Variants in UNC5C observed in about 807,000 individuals in gnomAD.
UNC5C encodes unc-5 netrin receptor C, also known as netrin receptor UNC5C.
UNC5C carries 47 observed loss-of-function variants against 99.8 expected under a neutral mutation model. The ratio of observed to expected loss-of-function variants is 0.47; its 90% CI spans 0.37 to 0.60. The LOEUF (loss-of-function observed/expected upper bound fraction) is 0.60. UNC5C is among the 20% of genes least tolerant of loss of function. The probability of loss-of-function intolerance (pLI) is 0.00; values close to 1 mark genes in which losing one functional copy is unlikely to be tolerated. For missense variants in UNC5C, 1,062 were observed against 1,165.9 expected, an observed-to-expected ratio of 0.91 and a Z score of 1.30; for synonymous variants, 487 against 452.2, an observed-to-expected ratio of 1.08 and a Z score of -0.98.
intron 1 of UNC5C, among the ~76,000 whole-genome samples, chr4:95,481,116 T>C (rs1721137799): frequency 2.6e-5 from 4 of 151,166 alleles, no homozygotes; most frequent in East Asian, 1.9e-4. Flanking sequence ...AACCCCATTG[T>C]CTCAGCCCAA....
At chr4:95,170,905 TAAAAA>T (rs1488055402) in intron 14 of UNC5C, among the ~76,000 whole-genome samples, 1 of 152,220 alleles carries the variant, frequency 6.6e-6, no homozygotes, top group Admixed American at 6.5e-5. Flanking sequence ...GCTAATTTCT[TAAAAA>T]AGAAAATGGT....
At chr4:95,508,133 T>A (rs921002655) in intron 1 of UNC5C, among the ~76,000 whole-genome samples, 4 of 151,964 alleles carry the variant, frequency 2.6e-5, no homozygotes, top group African/African-American at 9.7e-5. Flanking sequence ...TACAGGATAC[T>A]CTTTATACCA....
intron 1 of UNC5C, among the ~76,000 whole-genome samples, chr4:95,409,207 C>T (rs1745909876): frequency 6.6e-6 from 1 of 152,150 alleles, no homozygotes; most frequent in South Asian, 2.1e-4. Context: ...CATTACTATT[C>T]TCATTCCAAT....
chr4:95,230,712 A>G lies in UNC5C; in HGVS notation c.1109-10536T>C, dbSNP rs532164808. ...AAATAGGGCATCCTTTGCCTATTTT[A>G]AAGCAATAAAAGCTGACAACCACTT... On this transcript the variant is annotated intron_variant, in intron 7 of 15. Coordinates refer to ENST00000453304, the MANE Select transcript of UNC5C (RefSeq NM_003728.4). 2.0e-5 allele frequency among the ~76,000 whole-genome samples: 3 copies of G among 151,736 alleles called. No individual in the cohort carries two copies. In the South Asian group the frequency reaches 6.2e-4, roughly 32 times the overall value.
chr4:95,433,339 T>C (rs1746685374), intron 1 of UNC5C, among the ~76,000 whole-genome samples: 1 of 152,126 alleles, frequency 6.6e-6, no homozygotes, highest in Non-Finnish European at 1.5e-5. Context: ...CAAATGGTAA[T>C]ATCCTAGAAT....
intron 1 of UNC5C, among the ~76,000 whole-genome samples, chr4:95,348,300 A>C (rs1743852148): frequency 6.6e-6 from 1 of 151,942 alleles, no homozygotes; most frequent in Non-Finnish European, 1.5e-5. Context: ...GAGAACACTC[A>C]TACACTGTTG....
At chr4:95,429,554 A>T (rs1034826844) in intron 1 of UNC5C, among the ~76,000 whole-genome samples, 2 of 152,150 alleles carry the variant, frequency 1.3e-5, no homozygotes, top group African/African-American at 4.8e-5. Context: ...GGAGAAAAAA[A>T]AGAAGAAAAA....
In UNC5C at chr4:95,183,349, C is replaced by G. The variant is rs140256207; in HGVS notation, c.2287-288G>C. 3.3e-5 allele frequency among the ~76,000 whole-genome samples: 5 copies of G among 151,386 alleles called. No homozygotes were observed. In the East Asian group the frequency reaches 9.8e-4, roughly 30 times the overall value. The stretch of plus-strand genomic sequence containing the variant: ...TACCTAACCAGTCTGCCACATGTCT[C>G]TAATTTACAACAACAGGAACCATTG... On this transcript the variant is annotated intron_variant, in intron 13 of 15. Coordinates refer to ENST00000453304, the MANE Select transcript of UNC5C (RefSeq NM_003728.4).
intron 1 of UNC5C, among the ~76,000 whole-genome samples, chr4:95,370,979 A>T (rs1375920566): frequency 6.6e-6 from 1 of 152,208 alleles, no homozygotes; most frequent in Non-Finnish European, 1.5e-5. Context: ...CACAATACAT[A>T]GCAGGGTCCT....
intron 8 of UNC5C, 119 bp from the exon 9 acceptor site, chr4:95,219,432 A>T (rs1187969934): frequency 2.2e-5 from 20 of 908,574 alleles, no homozygotes; most frequent in Non-Finnish European, 2.9e-5. Flanking sequence ...AATATCGGAG[A>T]TAGATAGACA....
chr4:95,447,866 G>A (rs1395292347), intron 1 of UNC5C, among the ~76,000 whole-genome samples: 1 of 152,150 alleles, frequency 6.6e-6, no homozygotes, highest in Non-Finnish European at 1.5e-5. Context: ...AAGGCAGACT[G>A]TAAAGAATAT....
At chr4:95,401,601 C>T (rs970004930) in intron 1 of UNC5C, among the ~76,000 whole-genome samples, 1 of 152,188 alleles carries the variant, frequency 6.6e-6, no homozygotes, top group East Asian at 1.9e-4. Flanking sequence ...CACTGTGCCT[C>T]ACCCCAGTAA....
intron 13 of UNC5C, 57 bp from the exon 14 acceptor site, chr4:95,183,118 CAGAT>C: frequency 6.5e-7 from 1 of 1,535,924 alleles, no homozygotes. Flanking sequence ...AAATAACTCT[CAGAT>C]GGTCTGCTGC....
chr4:95,226,261 T>C (rs1254020379), intron 7 of UNC5C, among the ~76,000 whole-genome samples: 1 of 152,194 alleles, frequency 6.6e-6, no homozygotes, highest in Non-Finnish European at 1.5e-5. Flanking sequence ...GAACATCAGC[T>C]TGAATCCTAG....
intron 14 of UNC5C, among the ~76,000 whole-genome samples, chr4:95,172,354 A>G (rs1430775965): frequency 1.3e-5 from 2 of 150,766 alleles, no homozygotes; most frequent in Non-Finnish European, 3.0e-5. Context: ...GTTTTCTTCT[A>G]GGGTTTTTAT....
chr4:95,531,049 A>C (rs960811909), intron 1 of UNC5C, among the ~76,000 whole-genome samples: 3 of 152,202 alleles, frequency 2.0e-5, no homozygotes, highest in African/African-American at 7.2e-5. Flanking sequence ...CCCTTTTCTG[A>C]AAGTGGAGTC....
At chr4:95,407,376 G>A (rs1210747778) in intron 1 of UNC5C, among the ~76,000 whole-genome samples, 4 of 152,072 alleles carry the variant, frequency 2.6e-5, no homozygotes, top group East Asian at 3.9e-4. Flanking sequence ...AATTTCAAGC[G>A]GGAGGGTGTA....
At chr4:95,294,493 G>A (rs1017061975) in intron 3 of UNC5C, among the ~76,000 whole-genome samples, 1 of 152,186 alleles carries the variant, frequency 6.6e-6, no homozygotes, top group African/African-American at 2.4e-5. Context: ...ATCCGGAGGA[G>A]CCATCCTGCT....
intron 1 of UNC5C, among the ~76,000 whole-genome samples, chr4:95,341,449 T>G (rs572926111): frequency 5.2e-4 from 75 of 144,798 alleles, no homozygotes; most frequent in Middle Eastern, 3.5e-3. Flanking sequence ...ACCATTTTTT[T>G]TATAAGAAAG....
Sources: allele counts gnomAD v4.1 joint callset (sites outside exome capture counted in the v4.1 genomes callset), GRCh38; gene constraint gnomAD v4.1.1; transcripts MANE v1.5; gene names NCBI Gene and HGNC (gene_info 2026-07-23, HGNC 2026-07-21).